MYBL1: variants seen among roughly 807,000 people sequenced by gnomAD.
The protein encoded by MYBL1 is myb-related protein A.
In MYBL1, 17 loss-of-function variants were observed where a neutral mutation model predicts 96.3. The ratio of observed to expected loss-of-function variants is 0.18; its 90% CI spans 0.12 to 0.26. MYBL1 has a LOEUF of 0.26. Ranked by LOEUF, MYBL1 falls within the 10% of genes least tolerant of loss-of-function variation. The pLI is 1.00. For missense variants in MYBL1, 701 were observed against 882.9 expected, an observed-to-expected ratio of 0.79 and a Z score of 2.61; for synonymous variants, 282 against 292.7, an observed-to-expected ratio of 0.96 and a Z score of 0.37.
At chr8:66,579,871 A>G (rs905909607) in intron 9 of MYBL1, among the ~76,000 whole-genome samples, 4 of 152,154 alleles carry the variant, frequency 2.6e-5, no homozygotes, top group Non-Finnish European at 4.4e-5. Flanking sequence ...AGTTTTCTCT[A>G]GTTTCCAGCT....
In MYBL1 at chr8:66,602,414, T is replaced by C. The variant is rs757053124; in HGVS notation, c.126+4A>G. ...GAAACTATGAAACCTTGTCAGATAATTACCTCGTCCCTTGTCCATTTTACT... is the reference window on the plus strand; with the variant it reads ...GAAACTATGAAACCTTGTCAGATAACTACCTCGTCCCTTGTCCATTTTACT... On this transcript the variant is annotated splice_donor_region_variant and intron_variant, in intron 2 of 15. Coordinates refer to ENST00000522677, the MANE Select transcript of MYBL1 (RefSeq NM_001080416.4). The C allele has an allele frequency of 1.3e-6, 2 of 1,568,318 alleles. No homozygotes were observed. The highest frequency in any genetic ancestry group is 4.6e-5 in the East Asian group (2 of 43,880).
chr8:66,612,944 C>G lies in MYBL1; in HGVS notation c.-106G>C. 1.6e-6 allele frequency: 2 copies of G among 1,237,360 alleles called. No individual in the cohort carries two copies. Among genetic ancestry groups the G allele is most frequent in the Non-Finnish European group, 2.1e-6 (2 of 952,258 alleles). The allele number at this position is 1,237,360 out of a possible 1,614,324, so 76.6% of individuals were successfully genotyped here. A position where few individuals can be genotyped will look rare whatever the true frequency, so the allele number is the denominator to read the frequency against. On this transcript the variant is annotated 5_prime_UTR_variant, in exon 1 of 16. Transcript: ENST00000522677. ...CGATCCTCTAGCCGCTTCCCTCGCTCCCTCTGGAGGCGGCCGAGTGCGGAA... is the reference window on the plus strand; with the variant it reads ...CGATCCTCTAGCCGCTTCCCTCGCTGCCTCTGGAGGCGGCCGAGTGCGGAA...
intron 8 of MYBL1, among the ~76,000 whole-genome samples, chr8:66,584,161 C>T (rs1809320688): frequency 6.6e-6 from 1 of 152,090 alleles, no homozygotes; most frequent in South Asian, 2.1e-4. Flanking sequence ...CATGAAAAAT[C>T]ATTTGATAAA....
At chr8:66,611,916 C>T (rs1231125195) in intron 1 of MYBL1, among the ~76,000 whole-genome samples, 1 of 152,204 alleles carries the variant, frequency 6.6e-6, no homozygotes, top group Non-Finnish European at 1.5e-5. Context: ...TCCTGCCAAA[C>T]ATCTTTTCAG....
At chr8:66,577,987 C>T (rs957655535) in intron 9 of MYBL1, among the ~76,000 whole-genome samples, 68 of 152,110 alleles carry the variant, frequency 4.5e-4, no homozygotes, top group Non-Finnish European at 1.9e-4. Context: ...GGAAAGGATT[C>T]CCTATTTAAT....
intron 9 of MYBL1, among the ~76,000 whole-genome samples, chr8:66,579,710 G>A (rs1321084257): frequency 6.6e-6 from 1 of 151,482 alleles, no homozygotes; most frequent in Admixed American, 6.6e-5. Flanking sequence ...TCATGACAGG[G>A]TGGAAAACAA....
chr8:66,563,492 G>A lies in MYBL1; in HGVS notation c.*1205C>T, dbSNP rs917928267. ...TGAAGCAACTGTTGTAACCTGTAGA[G>A]AAACACAAAACATTTAAAAAAGGAC... On this transcript the variant is annotated 3_prime_UTR_variant, in exon 16 of 16. Transcript: ENST00000522677. The A allele has an allele frequency of 4.6e-5, 7 of 152,434 alleles. No homozygotes were observed. Among genetic ancestry groups the A allele is most frequent in the Admixed American group, 2.6e-4 (4 of 15,254 alleles). 9.4% of individuals were successfully genotyped at this position (152,434 alleles called of 1,614,324 possible).
intron 12 of MYBL1, among the ~76,000 whole-genome samples, chr8:66,569,414 A>G (rs947870474): frequency 1.3e-5 from 2 of 151,186 alleles, no homozygotes; most frequent in Non-Finnish European, 2.9e-5. Context: ...CAGTGGTATA[A>G]TATCAGCTCA....
rs201366383 is a variant in MYBL1 at position 66,580,195 on chromosome 8, C to T, written c.1039G>A (p.Ala347Thr). 7 of 1,613,930 alleles carry T rather than the reference C, an allele frequency of 4.3e-6. No homozygotes were observed. Among genetic ancestry groups the T allele is most frequent in the African/African-American group, 4.0e-5 (3 of 75,046 alleles). ...PTKFLAVEAN[A>T]VLSSLQTIPE... Reference sequence around the variant, plus strand: ...ATGGTCTGCAAAGAGGATAACACAGCGTTTGCCTCCACGGCCAGGAACTTT... The same window carrying T: ...ATGGTCTGCAAAGAGGATAACACAGTGTTTGCCTCCACGGCCAGGAACTTT... The change falls in exon 9 of 16, where the codon GCT (alanine) becomes ACT (threonine). Residue 347 changes from alanine (A) to threonine (T), a missense_variant. By Grantham distance (58) the Ala-to-Thr change is moderately conservative (BLOSUM62 0). Around this residue, in one of 5 missense-constraint regions of MYBL1, gnomAD observed 396 missense variants for 407.4 expected, o/e 0.97. Transcript: ENST00000522677.
At chr8:66,607,699 C>CAAAA (rs542129633) in intron 1 of MYBL1, among the ~76,000 whole-genome samples, 1 of 117,830 alleles carries the variant, frequency 8.5e-6, no homozygotes, top group African/African-American at 2.9e-5. Flanking sequence ...TTTCAAAACC[C>CAAAA]AAAAAAAAAA....
In MYBL1 at chr8:66,567,793, A is replaced by T. The variant is rs542599283; in HGVS notation, c.1729-801T>A. On this transcript the variant is annotated intron_variant, in intron 12 of 15. Transcript: ENST00000522677. ...ACTTAATAACCAGCAGCTGCTGGGC[A>T]TGGTGGCTCATGCCTGTAATCCCAC... Among the ~76,000 whole-genome samples, 7 of 152,264 alleles carry T rather than the reference A, an allele frequency of 4.6e-5. No individual in the cohort carries two copies. In the East Asian group the frequency reaches 1.4e-3, roughly 29 times the overall value.
intron 3 of MYBL1, among the ~76,000 whole-genome samples, chr8:66,599,481 C>A (rs1318737508): frequency 6.6e-6 from 1 of 152,066 alleles, no homozygotes; most frequent in East Asian, 1.9e-4. Context: ...AAGCAGTGGA[C>A]AGAAAACTAC....
rs574487026 is a variant in MYBL1 at position 66,585,017 on chromosome 8, C to T, written c.868-4651G>A. Among the ~76,000 whole-genome samples the T allele has an allele frequency of 1.1e-3, 162 of 152,046 alleles. 3 individuals carry two copies. The highest frequency in any genetic ancestry group is 4.1e-3 in the South Asian group (20 of 4,820). ...TTATCAAAATACCAACGACATTCTCCCCAAAAGTAGCAAAAACAATGCTAA... is the reference window on the plus strand; with the variant it reads ...TTATCAAAATACCAACGACATTCTCTCCAAAAGTAGCAAAAACAATGCTAA... On this transcript the variant is annotated intron_variant, in intron 8 of 15. Transcript: ENST00000522677.
At chr8:66,577,047 TC>T (rs1220304309) in intron 9 of MYBL1, among the ~76,000 whole-genome samples, 56 of 152,066 alleles carry the variant, frequency 3.7e-4, no homozygotes, top group African/African-American at 9.7e-5. Flanking sequence ...CTAAAAACTC[TC>T]AATAAATTAG....
intron 1 of MYBL1, among the ~76,000 whole-genome samples, chr8:66,610,197 A>G (rs1810475694): frequency 6.6e-6 from 1 of 152,066 alleles, no homozygotes; most frequent in African/African-American, 2.4e-5. Flanking sequence ...TATGTTAGTA[A>G]CAGATATATT....
Position 66,576,175 on chromosome 8 carries a change from G to A in MYBL1, c.1302C>T (p.Ser434=). Residue 434 remains serine, a synonymous_variant, in exon 10 of 16, where the codon TCC becomes TCT. Coordinates refer to ENST00000522677, the MANE Select transcript of MYBL1 (RefSeq NM_001080416.4). ...GGNSEAVPLT[S]PNIAKFSTPP... ...GAGTGCTAAACTTGGCTATATTTGG[G>A]GATGTTAAAGGAACAGCTTCACTGT... The A allele has an allele frequency of 1.2e-6, 2 of 1,613,898 alleles. No individual in the cohort carries two copies. Among genetic ancestry groups the A allele is most frequent in the Non-Finnish European group, 1.7e-6 (2 of 1,179,864 alleles).
intron 1 of MYBL1, among the ~76,000 whole-genome samples, chr8:66,606,581 C>A (rs933981721): frequency 2.0e-5 from 3 of 152,156 alleles, no homozygotes; most frequent in Admixed American, 2.0e-4. Flanking sequence ...TCTATAGATC[C>A]TTTGTAGGAA....
At chr8:66,577,766 A>G (rs200092236) in intron 9 of MYBL1, among the ~76,000 whole-genome samples, 2 of 152,090 alleles carry the variant, frequency 1.3e-5, no homozygotes, top group Non-Finnish European at 2.9e-5. Flanking sequence ...AGCCCACATC[A>G]CCAAGTCAAT....
intron 1 of MYBL1, among the ~76,000 whole-genome samples, chr8:66,603,938 T>C (rs376163109): frequency 2.6e-4 from 39 of 151,228 alleles, no homozygotes; most frequent in African/African-American, 9.5e-4. Flanking sequence ...GGGAGGCAAC[T>C]AGACAAGCTG....
Sources: allele counts gnomAD v4.1 joint callset (sites outside exome capture counted in the v4.1 genomes callset), GRCh38; gene constraint gnomAD v4.1.1; regional missense constraint gnomAD v4.1.1; transcripts MANE v1.5; gene names NCBI Gene and HGNC (gene_info 2026-07-23, HGNC 2026-07-21).